The following ZNF532 variants were observed in gnomAD, a reference collection of about 807,000 sequenced individuals.
ZNF532 encodes zinc finger protein 532.
ZNF532 carries 22 observed loss-of-function variants against 89.3 expected under a neutral mutation model. The ratio of observed to expected loss-of-function variants is 0.25; its 90% CI spans 0.18 to 0.35. ZNF532 has a LOEUF of 0.35. Ranked by LOEUF, ZNF532 falls within the 10% of genes least tolerant of loss-of-function variation. The probability of loss-of-function intolerance (pLI) is 1.00; values close to 1 mark genes in which losing one functional copy is unlikely to be tolerated. For missense variants in ZNF532, 1,132 were observed against 1,643.4 expected (o/e 0.69, Z 5.38); for synonymous variants, 606 against 649.6 (o/e 0.93, Z 1.02).
rs529845186 is a variant in ZNF532 at position 58,959,973 on chromosome 18, C to T, written c.3150+6174C>T. Among the ~76,000 whole-genome samples, 44 of 152,278 alleles carry T rather than the reference C, an allele frequency of 2.9e-4. No homozygotes were observed. The South Asian group carries it at 8.7e-3, about 30-fold the overall frequency. ...TATTTTTTTGAGATAGGGTCTCACT[C>T]TGTCACCCAAACTGGAGTGCAGTGG... On this transcript the variant is annotated intron_variant, in intron 7 of 9. Coordinates refer to ENST00000591808, the MANE Select transcript of ZNF532 (RefSeq NM_001375912.1).
chr18:58,895,333 GA>G (rs2059174141), intron 2 of ZNF532, among the ~76,000 whole-genome samples: 1 of 152,218 alleles, frequency 6.6e-6, no homozygotes, highest in Non-Finnish European at 1.5e-5. Context: ...TGCTGTTAGG[GA>G]AAAGAGAGTC....
intron 5 of ZNF532, among the ~76,000 whole-genome samples, chr18:58,941,957 T>TCTCC (rs2063092542): frequency 2.3e-5 from 3 of 129,544 alleles, no homozygotes; most frequent in Non-Finnish European, 3.3e-5. Flanking sequence ...CTTTCCTCCC[T>TCTCC]CCCTCTCTCC....
At chr18:58,948,563 C>CT (rs1299930937) in intron 6 of ZNF532, among the ~76,000 whole-genome samples, 2,660 of 133,652 alleles carry the variant, frequency 0.02, 52 homozygotes, top group African/African-American at 0.043. Flanking sequence ...CTTTCCTTTC[C>CT]TTTTTTTTTT....
intron 2 of ZNF532, among the ~76,000 whole-genome samples, chr18:58,891,491 C>T (rs1426295533): frequency 2.0e-5 from 3 of 152,200 alleles, no homozygotes; most frequent in Admixed American, 6.5e-5. Flanking sequence ...GATCATGTCA[C>T]TGCACTCCAG....
rs1469693810 is a variant in ZNF532, at chr18:58,934,553, G to C, written c.2467G>C (p.Val823Leu). 6.2e-7 allele frequency: 1 copy of C among 1,614,144 alleles called. No individual in the cohort carries two copies. Among genetic ancestry groups the C allele is most frequent in the East Asian group, 2.2e-5 (1 of 44,892 alleles). The change falls in exon 4 of 10, where the codon GTG (valine) becomes CTG (leucine). Residue 823 changes from valine to leucine, a missense_variant. Physicochemically the swap from Val to Leu is conservative, Grantham distance 32. Transcript: ENST00000591808. ...CPECGAICRSVHFQTHVTKNC... is the reference protein window; with the variant it reads ...CPECGAICRSLHFQTHVTKNC... ...TGAGTGTGGGGCCATCTGCAGGTCG[G>C]TGCACTTCCAGACCCACGTCACCAA...
At chr18:58,869,058 G>T (rs1438326370) in intron 2 of ZNF532, among the ~76,000 whole-genome samples, 1 of 152,128 alleles carries the variant, frequency 6.6e-6, no homozygotes, top group Non-Finnish European at 1.5e-5. Context: ...CACATAAAAG[G>T]TACGGGAAAA....
intron 2 of ZNF532, among the ~76,000 whole-genome samples, chr18:58,893,477 C>T (rs1411401986): frequency 6.6e-6 from 1 of 151,764 alleles, no homozygotes; most frequent in African/African-American, 2.4e-5. Context: ...ATGGCTGTGG[C>T]GAAACCCTGT....
intron 7 of ZNF532, among the ~76,000 whole-genome samples, chr18:58,972,896 T>C (rs1367157015): frequency 6.6e-6 from 1 of 152,226 alleles, no homozygotes; most frequent in Admixed American, 6.5e-5. Flanking sequence ...AGTTAATCTT[T>C]ATTTATTCAT....
rs537506981 is a variant in ZNF532 at position 58,937,979 on chromosome 18, C to T, written c.2529-1466C>T. Among the ~76,000 whole-genome samples, 309 of 152,290 alleles carry T rather than the reference C, an allele frequency of 2.0e-3. 1 individual carries two copies. The highest frequency in any genetic ancestry group is 3.4e-3 in the Non-Finnish European group (230 of 68,022). On this transcript the variant is annotated intron_variant, in intron 4 of 9. Coordinates refer to ENST00000591808, the MANE Select transcript of ZNF532 (RefSeq NM_001375912.1). ...ACATAGCTGTTGCTGAACATAATGC[C>T]TTCAGTCACTGGAAATGCTAATGCG...
rs1407458956 is a variant in ZNF532, at chr18:58,983,514, C to T, written c.3412-458C>T. Among the ~76,000 whole-genome samples, 8 of 152,110 alleles carry T rather than the reference C, an allele frequency of 5.3e-5. No homozygotes were observed. The East Asian group carries it at 5.8e-4, about 11-fold the overall frequency. On this transcript the variant is annotated intron_variant, in intron 9 of 9. Transcript: ENST00000591808. ...GCTTCCTATGCCTGGACTGCTTTCCCGACACTGCGTCAGGTCTCTTTTCAA... is the reference window on the plus strand; with the variant it reads ...GCTTCCTATGCCTGGACTGCTTTCCTGACACTGCGTCAGGTCTCTTTTCAA...
intron 2 of ZNF532, among the ~76,000 whole-genome samples, chr18:58,905,917 C>T (rs1247662414): frequency 1.3e-5 from 2 of 152,098 alleles, no homozygotes; most frequent in Non-Finnish European, 2.9e-5. Context: ...GAATACTGGT[C>T]AGGGATGTTG....
intron 2 of ZNF532, among the ~76,000 whole-genome samples, chr18:58,890,481 C>CT (rs1568253217): frequency 1.3e-5 from 2 of 151,302 alleles, no homozygotes; most frequent in Admixed American, 6.6e-5. Context: ...TTCTGGGTTT[C>CT]TTTTTTTTAA....
At chr18:58,958,263 C>A (rs2065003365) in intron 7 of ZNF532, among the ~76,000 whole-genome samples, 2 of 152,058 alleles carry the variant, frequency 1.3e-5, no homozygotes, top group East Asian at 3.8e-4. Flanking sequence ...ATATTCAGTG[C>A]ATATTTATTA....
intron 6 of ZNF532, among the ~76,000 whole-genome samples, chr18:58,950,110 T>G (rs1385647606): frequency 6.6e-6 from 1 of 152,248 alleles, no homozygotes; most frequent in East Asian, 1.9e-4. Flanking sequence ...ATACTACATG[T>G]GTGCCAACAA....
chr18:58,863,245 C>G (rs2144250680), upstream of ZNF532: 1 of 152,082 alleles, frequency 6.6e-6, no homozygotes, highest in East Asian at 1.9e-4. Context: ...CCTCCCTGCG[C>G]CCCCTCACCA....
rs918754058 is a variant in ZNF532, at chr18:58,974,124, GT to G, written c.3151-4923del. Among the ~76,000 whole-genome samples, 50 of 151,754 alleles carry G rather than the reference GT, an allele frequency of 3.3e-4. 1 individual carries two copies. The highest frequency in any genetic ancestry group is 1.7e-3 in the East Asian group (9 of 5,182). Reference sequence around the variant, plus strand: ...TATAAACTATATCTCAATAAGCTCAGTTTTTTTTGCGGTAAAATTTTTTTTG... The same window carrying G: ...TATAAACTATATCTCAATAAGCTCAGTTTTTTTGCGGTAAAATTTTTTTTG... On this transcript the variant is annotated intron_variant, in intron 7 of 9. Coordinates refer to ENST00000591808, the MANE Select transcript of ZNF532 (RefSeq NM_001375912.1).
At chr18:58,866,397 G>T (rs1287726504) in intron 2 of ZNF532, among the ~76,000 whole-genome samples, 2 of 152,212 alleles carry the variant, frequency 1.3e-5, no homozygotes, top group Non-Finnish European at 2.9e-5. Flanking sequence ...GAGGGGGCTT[G>T]CAGGAGAACA....
At chr18:58,964,535 T>TTGTGTGTG (rs200298951) in intron 7 of ZNF532, among the ~76,000 whole-genome samples, 10 of 138,554 alleles carry the variant, frequency 7.2e-5, no homozygotes, top group Non-Finnish European at 1.1e-4. Context: ...GATATTTTGT[T>TTGTGTGTG]TGTGTGTGTG....
chr18:58,942,063 C>T (rs956572221), intron 5 of ZNF532, among the ~76,000 whole-genome samples: 2 of 146,152 alleles, frequency 1.4e-5, no homozygotes, highest in Non-Finnish European at 3.0e-5. Context: ...CGCTGTGTCG[C>T]CCAGGCTGGA....
Sources: gnomAD v4.1 joint callset for allele counts (sites outside exome capture counted in the v4.1 genomes callset) on GRCh38, gnomAD v4.1.1 for gene constraint, MANE v1.5 for transcripts, NCBI Gene and HGNC (gene_info 2026-07-23, HGNC 2026-07-21) for gene names.